Variants in OR1F1 observed in about 807,000 individuals in gnomAD.
OR1F1 encodes olfactory receptor 1F1.
For missense variants in OR1F1, 493 were observed against 376.3 expected, an observed-to-expected ratio of 1.31 and a Z score of -2.57; for synonymous variants, 184 against 156.7, an observed-to-expected ratio of 1.17 and a Z score of -1.30.
At chr16:3,201,097 C>T (rs913623444), upstream of OR1F1, among the ~76,000 whole-genome samples, 1 of 152,184 alleles carries the variant, frequency 6.6e-6, no homozygotes, top group African/African-American at 2.4e-5. Context: ...TATCTGGCTT[C>T]TTTCACTTAG....
At chr16:3,194,982 G>A in the OR1F1 span, among the ~76,000 whole-genome samples, 2 of 152,172 alleles carry the variant, frequency 1.3e-5, no homozygotes, top group African/African-American at 2.4e-5. Context: ...TCTTGGCATC[G>A]GTCCAGGATT....
chr16:3,194,768 A>C, the OR1F1 span, among the ~76,000 whole-genome samples: 1 of 152,240 alleles, frequency 6.6e-6, no homozygotes, highest in Non-Finnish European at 1.5e-5. Context: ...TGAGGTGGGC[A>C]GATGATCATG....
upstream of OR1F1, among the ~76,000 whole-genome samples, chr16:3,199,288 G>A (rs1324159182): frequency 6.6e-6 from 1 of 151,634 alleles, no homozygotes; most frequent in African/African-American, 2.4e-5. Context: ...AGGCAACAGA[G>A]GGAGACCCTA....
chr16:3,204,743 T>G, exon 1 of OR1F1: 1 of 1,614,122 alleles, frequency 6.2e-7, no homozygotes, highest in South Asian at 1.1e-5. Context: ...ATGGCTCCAC[T>G]CTCATTCTGT....
At chr16:3,204,474 C>G (rs1326399497) in exon 1 of OR1F1, 1 of 1,614,164 alleles carries the variant, frequency 6.2e-7, no homozygotes, top group Non-Finnish European at 8.5e-7. Flanking sequence ...TCTCCTTCAC[C>G]ACCGTCCCCA....
At chr16:3,190,394 G>C in the OR1F1 span, among the ~76,000 whole-genome samples, 1 of 152,220 alleles carries the variant, frequency 6.6e-6, no homozygotes, top group African/African-American at 2.4e-5. Flanking sequence ...TTTTTGTTTG[G>C]GACGCTGGGT....
the OR1F1 span, among the ~76,000 whole-genome samples, chr16:3,197,750 A>G: frequency 3.0e-5 from 3 of 101,494 alleles, no homozygotes; most frequent in Non-Finnish European, 6.1e-5. Flanking sequence ...AAGGAGAGGG[A>G]GAGGGAGAAG....
chr16:3,192,685 TC>T, the OR1F1 span, among the ~76,000 whole-genome samples: 41 of 152,184 alleles, frequency 2.7e-4, no homozygotes, highest in African/African-American at 9.9e-4. Flanking sequence ...GCTCCTTGCT[TC>T]CTCTCGCGCC....
At chr16:3,200,931 C>T (rs1958129106), upstream of OR1F1, among the ~76,000 whole-genome samples, 2 of 152,200 alleles carry the variant, frequency 1.3e-5, no homozygotes, top group South Asian at 2.1e-4. Context: ...GTTTCCAAAA[C>T]GTTTTCGTTT....
the OR1F1 span, among the ~76,000 whole-genome samples, chr16:3,192,814 G>C: frequency 6.6e-6 from 1 of 152,202 alleles, no homozygotes; most frequent in African/African-American, 2.4e-5. Flanking sequence ...AGGCTGCTAA[G>C]AGGGCGCTGA....
chr16:3,195,348 G>A, the OR1F1 span, among the ~76,000 whole-genome samples: 1 of 152,106 alleles, frequency 6.6e-6, no homozygotes, highest in Admixed American at 6.6e-5. Flanking sequence ...AACAGCTACC[G>A]CGACTTGTGT....
upstream of OR1F1, among the ~76,000 whole-genome samples, chr16:3,199,758 A>G (rs1958114968): frequency 6.6e-6 from 1 of 152,184 alleles, no homozygotes; most frequent in Non-Finnish European, 1.5e-5. Context: ...TCACACTTGT[A>G]ATCTCTCAGC....
the OR1F1 span, among the ~76,000 whole-genome samples, chr16:3,193,134 C>T: frequency 6.6e-6 from 1 of 152,016 alleles, no homozygotes; most frequent in South Asian, 2.1e-4. Flanking sequence ...GCCATGTTGG[C>T]CAGGCTGGCC....
At chr16:3,204,422 T>C (rs371331484) in exon 1 of OR1F1, 5 of 1,614,040 alleles carry the variant, frequency 3.1e-6, no homozygotes, top group East Asian at 2.2e-5. Flanking sequence ...CACACCCCCA[T>C]GTACTTCTTC....
At chr16:3,203,358 G>A (rs138735155), upstream of OR1F1, among the ~76,000 whole-genome samples, 3 of 152,306 alleles carry the variant, frequency 2.0e-5, no homozygotes, top group Non-Finnish European at 2.9e-5. Context: ...CAGCCTCAAA[G>A]CTCCAGTGAC....
At chr16:3,199,017 G>A in the OR1F1 span, among the ~76,000 whole-genome samples, 4 of 146,034 alleles carry the variant, frequency 2.7e-5, no homozygotes, top group African/African-American at 7.6e-5. Flanking sequence ...GGTGGCTCAC[G>A]CCTATAATCC....
chr16:3,203,596 T>C (rs574674328), upstream of OR1F1, among the ~76,000 whole-genome samples: 1 of 152,214 alleles, frequency 6.6e-6, no homozygotes, highest in East Asian at 1.9e-4. Context: ...AAACCCCGTC[T>C]CTACTAAAAA....
At chr16:3,188,844 A>G in the OR1F1 span, among the ~76,000 whole-genome samples, 7 of 152,192 alleles carry the variant, frequency 4.6e-5, no homozygotes, top group Non-Finnish European at 1.5e-5. Flanking sequence ...CACGGCCTTC[A>G]TTCTTGCTCC....
chr16:3,204,188 T>C, upstream of OR1F1: 1 of 1,347,326 alleles, frequency 7.4e-7, no homozygotes, highest in Non-Finnish European at 1.0e-6. Flanking sequence ...TAACCAGCAT[T>C]TTCCAAGCTT....
Sources: allele counts gnomAD v4.1 joint callset (sites outside exome capture counted in the v4.1 genomes callset), GRCh38; gene constraint gnomAD v4.1.1; transcripts MANE v1.5; gene names NCBI Gene and HGNC (gene_info 2026-07-23, HGNC 2026-07-21).